The following IMPA1 variants were observed in gnomAD, a reference collection of about 807,000 sequenced individuals.
The protein encoded by IMPA1 is D-galactose 1-phosphate phosphatase.
IMPA1 carries 21 observed loss-of-function variants against 34.9 expected under a neutral mutation model. That is an observed-to-expected ratio of 0.60 (90% CI 0.43 to 0.87). IMPA1 has a LOEUF of 0.87. IMPA1 is among the 40% of genes least tolerant of loss of function. The probability of loss-of-function intolerance (pLI) is 0.00; values close to 1 mark genes in which losing one functional copy is unlikely to be tolerated. For synonymous variants in IMPA1, 95 were observed against 104.4 expected (o/e 0.91, Z 0.55); for missense variants, 299 against 336.4 (o/e 0.89, Z 0.87).
chr8:81,678,744 G>A (rs890055820), intron 4 of IMPA1: 4 of 180,372 alleles, frequency 2.2e-5, no homozygotes, highest in Non-Finnish European at 4.8e-5. Context: ...ATGCATATTA[G>A]TAGATCCATA....
intron 8 of IMPA1, among the ~76,000 whole-genome samples, chr8:81,660,072 G>C (rs1440189040): frequency 6.6e-6 from 1 of 152,156 alleles, no homozygotes; most frequent in Non-Finnish European, 1.5e-5. Context: ...AATAAGAATT[G>C]TCTTGGGCCA....
chr8:81,676,931 C>T lies in IMPA1; in HGVS notation c.303-652G>A, dbSNP rs1348993620. On this transcript the variant is annotated intron_variant, in intron 4 of 8. Coordinates refer to ENST00000256108, the MANE Select transcript of IMPA1 (RefSeq NM_005536.4). Reference sequence around the variant, plus strand: ...ATCCCTTGAGCCCAGAAGGTCAAGGCTGCAGTGAGCCATAGTCATGCCACT... The same window carrying T: ...ATCCCTTGAGCCCAGAAGGTCAAGGTTGCAGTGAGCCATAGTCATGCCACT... Among the ~76,000 whole-genome samples the T allele has an allele frequency of 3.3e-5, 5 of 152,196 alleles. No homozygotes were observed. In the East Asian group the frequency reaches 7.7e-4, roughly 24 times the overall value.
In IMPA1 at chr8:81,674,166, A is replaced by C. The variant is rs1160121380; in HGVS notation, c.349-217T>G. 4 of 457,004 alleles carry C rather than the reference A, an allele frequency of 8.8e-6. No homozygotes were observed. The Admixed American group carries it at 1.5e-4, about 17-fold the overall frequency. 28.3% of individuals were successfully genotyped at this position (457,004 alleles called of 1,614,324 possible). ...CTCCTCCCATCCAAGTCCAGATCTAAGAACACCCACCTTACTTCTCTTCCT... is the reference window on the plus strand; with the variant it reads ...CTCCTCCCATCCAAGTCCAGATCTACGAACACCCACCTTACTTCTCTTCCT... On this transcript the variant is annotated intron_variant, in intron 5 of 8. Coordinates refer to ENST00000256108, the MANE Select transcript of IMPA1 (RefSeq NM_005536.4).
chr8:81,661,835 C>T (rs937935363), intron 7 of IMPA1, among the ~76,000 whole-genome samples: 1 of 152,172 alleles, frequency 6.6e-6, no homozygotes, highest in Non-Finnish European at 1.5e-5. Context: ...CAAACGTCAT[C>T]ATGTCTACAA....
chr8:81,684,082 A>AATGGT (rs1317197636), intron 1 of IMPA1, among the ~76,000 whole-genome samples: 1 of 150,470 alleles, frequency 6.6e-6, no homozygotes, highest in Non-Finnish European at 1.5e-5. Flanking sequence ...ATGAGCCAGG[A>AATGGT]ATGGTGGATG....
rs1224436759 is a variant in IMPA1 at position 81,680,558 on chromosome 8, G to C, written c.197+92C>G. On this transcript the variant is annotated intron_variant, in intron 3 of 8. Transcript: ENST00000256108. Reference sequence around the variant, plus strand: ...GACTGTAACTTCATGGAAGACCTTGGCAAGAACCGTGTAGTCAAGCTACTC... The same window carrying C: ...GACTGTAACTTCATGGAAGACCTTGCCAAGAACCGTGTAGTCAAGCTACTC... 1.3e-5 allele frequency: 12 copies of C among 936,856 alleles called. No individual in the cohort carries two copies. The East Asian group carries it at 2.9e-4, about 22-fold the overall frequency. 58.0% of individuals were successfully genotyped at this position (936,856 alleles called of 1,614,324 possible). A position where few individuals can be genotyped will look rare whatever the true frequency, so the allele number is the denominator to read the frequency against.
chr8:81,684,541 A>G lies in IMPA1; in HGVS notation c.-25+1711T>C, dbSNP rs1197357190. 3.9e-5 allele frequency among the ~76,000 whole-genome samples: 4 copies of G among 102,814 alleles called. 1 individual carries two copies. The highest frequency in any genetic ancestry group is 1.6e-4 in the African/African-American group (4 of 24,828). 67.4% of individuals were successfully genotyped at this position (102,814 alleles called of 152,430 possible). ...ACTATGTGTAGTATATATACTACAC[A>G]TAAGTATCTTTAGATACTAATGTGT... On this transcript the variant is annotated intron_variant, in intron 1 of 8. Transcript: ENST00000256108.
intron 8 of IMPA1, among the ~76,000 whole-genome samples, 175 bp downstream of exon 8, chr8:81,660,341 C>T (rs1806633290): frequency 6.6e-6 from 1 of 152,118 alleles, no homozygotes; most frequent in African/African-American, 2.4e-5. Flanking sequence ...ATTACCATTA[C>T]CTCTTATCCT....
chr8:81,660,614 C>G lies in IMPA1; in HGVS notation c.620G>C (p.Gly207Ala), dbSNP rs761726155. The G allele has an allele frequency of 6.2e-7, 1 of 1,612,220 alleles. No homozygotes were observed. The highest frequency in any genetic ancestry group is 8.5e-7 in the Non-Finnish European group (1 of 1,178,346). Residue 207 changes from glycine to alanine, a missense_variant, in exon 8 of 9, where the codon GGA (glycine) becomes GCA (alanine). By Grantham distance (60) the Gly-to-Ala change is moderately conservative (BLOSUM62 0). Coordinates refer to ENST00000256108, the MANE Select transcript of IMPA1 (RefSeq NM_005536.4). ...AVNMCLVATG[G>A]ADAYYEMGIH... ...TCCCATTTCATAATATGCATCTGCT[C>G]CGCCAGTTGCCACAAGGCACATATT...
intron 2 of IMPA1, among the ~76,000 whole-genome samples, 166 bp from the exon 3 acceptor site, chr8:81,680,949 GTCTT>G (rs1469068929): frequency 3.3e-5 from 5 of 151,928 alleles, no homozygotes; most frequent in Non-Finnish European, 7.4e-5. Flanking sequence ...TAATAGTTAC[GTCTT>G]TCTAAAAACA....
At position 81,680,676 on chromosome 8, in the gene IMPA1, G is replaced by A. The variant is rs971696505; in HGVS notation, c.171C>T (p.Ser57=). Residue 57 remains serine (S), a synonymous_variant, in exon 3 of 9, where the codon TCC becomes TCT. Coordinates refer to ENST00000256108, the MANE Select transcript of IMPA1 (RefSeq NM_005536.4). ...DQKVEKMLIS[S]IKEKYPSHSF... is the part of the protein sequence containing the mutation. ...TGTGAGATGGATACTTTTCCTTTATGGAAGAGATAAGCATTTTTTCAACTT... is the reference window on the plus strand; with the variant it reads ...TGTGAGATGGATACTTTTCCTTTATAGAAGAGATAAGCATTTTTTCAACTT... 1 of 1,611,520 alleles carries A rather than the reference G, an allele frequency of 6.2e-7. No homozygotes were observed. The highest frequency in any genetic ancestry group is 8.5e-7 in the Non-Finnish European group (1 of 1,178,562).
rs1289971990 is a variant in IMPA1, at chr8:81,658,650, G to C, written c.*701C>G. ...ATGCCCACAATAAGCCATGCTATCT[G>C]ATGGTATGGTAATGTGAAATGGCAT... On this transcript the variant is annotated 3_prime_UTR_variant, in exon 9 of 9. Transcript: ENST00000256108. The C allele has an allele frequency of 6.6e-6, 1 of 152,582 alleles. No individual in the cohort carries two copies. Among genetic ancestry groups the C allele is most frequent in the African/African-American group, 2.4e-5 (1 of 41,440 alleles). The allele number at this position is 152,582 out of a possible 1,614,324, so 9.5% of individuals were successfully genotyped here.
At position 81,658,929 on chromosome 8, in the gene IMPA1, T is replaced by C. The variant is rs981263373; in HGVS notation, c.*422A>G. The C allele has an allele frequency of 2.1e-5, 4 of 190,644 alleles. No individual in the cohort carries two copies. Among genetic ancestry groups the C allele is most frequent in the African/African-American group, 9.6e-5 (4 of 41,702 alleles). 11.8% of individuals were successfully genotyped at this position (190,644 alleles called of 1,614,324 possible). ...AAGTTGGCCTAGGGTACTCAGTATA[T>C]CCTTACAAATTTAATTATATATGGT... On this transcript the variant is annotated 3_prime_UTR_variant, in exon 9 of 9. Coordinates refer to ENST00000256108, the MANE Select transcript of IMPA1 (RefSeq NM_005536.4).
chr8:81,676,350 CATAAT>C (rs1384058412), intron 4 of IMPA1, 71 bp from the exon 5 acceptor site: 9 of 741,522 alleles, frequency 1.2e-5, no homozygotes, highest in Non-Finnish European at 1.7e-5. Context: ...TTAATCTTTT[CATAAT>C]ATAAGTGTTC....
chr8:81,673,937 C>T lies in IMPA1; in HGVS notation c.361G>A (p.Val121Ile), dbSNP rs760113609. 5 of 1,607,690 alleles carry T rather than the reference C, an allele frequency of 3.1e-6. No homozygotes were observed. The African/African-American group carries it at 5.3e-5, about 17-fold the overall frequency. The part of the protein sequence containing the change: ...FAVNKKIEFG[V>I]VYSCVEGKMY... ...TTGCCTTCCACACAACTGTACACAA[C>T]TCCAAATTCTATCTGCAGAGGAAAA... Residue 121 changes from valine (V) to isoleucine (I), a missense_variant, in exon 6 of 9, where the codon GTT becomes ATT. Physicochemically the swap from Val to Ile is conservative, Grantham distance 29. Coordinates refer to ENST00000256108, the MANE Select transcript of IMPA1 (RefSeq NM_005536.4).
chr8:81,658,930 C>G lies in IMPA1; in HGVS notation c.*421G>C, dbSNP rs1414122479. The G allele has an allele frequency of 5.3e-6, 1 of 189,434 alleles. No individual in the cohort carries two copies. The highest frequency in any genetic ancestry group is 1.1e-4 in the South Asian group (1 of 9,066). The allele number at this position is 189,434 out of a possible 1,614,324, so 11.7% of individuals were successfully genotyped here. A position where few individuals can be genotyped will look rare whatever the true frequency, so the allele number is the denominator to read the frequency against. On this transcript the variant is annotated 3_prime_UTR_variant, in exon 9 of 9. Coordinates refer to ENST00000256108, the MANE Select transcript of IMPA1 (RefSeq NM_005536.4). ...AGTTGGCCTAGGGTACTCAGTATAT[C>G]CTTACAAATTTAATTATATATGGTT...
Position 81,657,631 on chromosome 8 carries a change from T to G in IMPA1, c.*1720A>C, listed in dbSNP as rs1374509646. 6.6e-6 allele frequency among the ~76,000 whole-genome samples: 1 copy of G among 151,424 alleles called. No homozygotes were observed. The highest frequency in any genetic ancestry group is 1.5e-5 in the Non-Finnish European group (1 of 67,876). ...TCTAAAAGTAGTTTGAACTATTAAC[T>G]TTAATAATGTAAATATCATGGCCTG... On this transcript the variant is annotated 3_prime_UTR_variant, in exon 9 of 9. Coordinates refer to ENST00000256108, the MANE Select transcript of IMPA1 (RefSeq NM_005536.4).
rs563752243 is a variant in IMPA1 at position 81,676,768 on chromosome 8, T to TTTA, written c.303-490_303-489insTAA. On this transcript the variant is annotated intron_variant, in intron 4 of 8. Coordinates refer to ENST00000256108, the MANE Select transcript of IMPA1 (RefSeq NM_005536.4). ...AGCAGGCCAAAGCAGGAAGATCACT[T>TTTA]GGGCCCAGGAGTTCGAGACCAGCCT... Among the ~76,000 whole-genome samples, 724 of 152,256 alleles carry TTTA rather than the reference T, an allele frequency of 4.8e-3. 3 individuals carry two copies. The highest frequency in any genetic ancestry group is 8.3e-3 in the South Asian group (40 of 4,824).
chr8:81,665,378 C>T (rs908248205), intron 7 of IMPA1, among the ~76,000 whole-genome samples: 13 of 151,062 alleles, frequency 8.6e-5, no homozygotes, highest in African/African-American at 2.4e-4. Flanking sequence ...ATGTCAGGAA[C>T]GAAGAATAAA....
Sources: allele counts gnomAD v4.1 joint callset (sites outside exome capture counted in the v4.1 genomes callset), GRCh38; gene constraint gnomAD v4.1.1; transcripts MANE v1.5; gene names NCBI Gene and HGNC (gene_info 2026-07-23, HGNC 2026-07-21).